PARP12: variants seen among roughly 807,000 people sequenced by gnomAD.
PARP12 encodes the protein poly(ADP-ribose) polymerase family member 12, also known as protein mono-ADP-ribosyltransferase PARP12.
Under a neutral mutation model 72.4 loss-of-function variants are expected in PARP12, and 59 were observed. That is an observed-to-expected ratio of 0.81 (90% CI 0.66 to 1.01). PARP12 has a LOEUF of 1.01. Among genes scored for constraint, PARP12 ranks in the 50% least tolerant of loss-of-function variants. The pLI, the probability that PARP12 is intolerant of heterozygous loss-of-function variation, is 0.00. For synonymous variants in PARP12, 403 were observed against 371.4 expected (o/e 1.09, Z -0.98); for missense variants, 851 against 914.0 (o/e 0.93, Z 0.89).
chr7:140,025,158 A>C, intron 11 of PARP12: 2 of 451,552 alleles, frequency 4.4e-6, no homozygotes, highest in Non-Finnish European at 8.2e-6. Flanking sequence ...ACGAAACCTA[A>C]AGGCCTGTGG....
chr7:140,029,182 A>C (rs1815846170), intron 8 of PARP12: 1 of 153,488 alleles, frequency 6.5e-6, no homozygotes, highest in Non-Finnish European at 1.4e-5. Context: ...ATTTGACTGA[A>C]GTTAGTAAGA....
At chr7:140,035,945 G>A (rs1585088747) in intron 7 of PARP12, among the ~76,000 whole-genome samples, 1 of 101,418 alleles carries the variant, frequency 9.9e-6, no homozygotes, top group Admixed American at 9.8e-5. Context: ...GGAGGAGGAG[G>A]AGGAGGACGA....
In PARP12 at chr7:140,034,331, G is replaced by C. The variant is rs766739805; in HGVS notation, c.1325C>G (p.Ala442Gly). ...GKHNYELDFK[A>G]FVQKNLVYGT... ...ATAGACCAGGTTTTTCTGAACGAAG[G>C]CTGAAAAAAAACATAACCAGTGAAA... Residue 442 changes from alanine to glycine, a missense_variant and splice_region_variant, in exon 8 of 12, where the codon GCC becomes GGC. Transcript: ENST00000263549. The C allele has an allele frequency of 4.4e-6, 7 of 1,606,940 alleles. No individual in the cohort carries two copies. In the African/African-American group the frequency reaches 5.4e-5, roughly 12 times the overall value.
rs761520985 is a variant in PARP12 at position 140,041,838 on chromosome 7, T to C, written c.988A>G (p.Ile330Val). Residue 330 changes from isoleucine to valine, a missense_variant and splice_region_variant, in exon 6 of 12, where the codon ATC becomes GTC. Physicochemically the swap from Ile to Val is conservative, Grantham distance 29 (BLOSUM62 3). This residue lies in a region of PARP12 where 492 missense variants were observed against 489.3 expected (regional missense o/e 1.01). Transcript: ENST00000263549. ...GTACTGGCTGACTCAGAGCACAGGA[T>C]CCTACAGAAGAAAAACAGCAGCAGA... ...EAYCNPKIER[I>V]LCSESASTFH... 1.2e-6 allele frequency: 2 copies of C among 1,610,242 alleles called. No individual in the cohort carries two copies. The highest frequency in any genetic ancestry group is 2.2e-5 in the East Asian group (1 of 44,804).
intron 1 of PARP12, among the ~76,000 whole-genome samples, chr7:140,059,777 C>T (rs557371593): frequency 6.6e-5 from 10 of 152,300 alleles, no homozygotes; most frequent in Admixed American, 2.0e-4. Context: ...GACTCTGATA[C>T]GGAGTGGAAA....
At chr7:140,052,924 G>A (rs2116642414) in intron 4 of PARP12, among the ~76,000 whole-genome samples, 1 of 152,254 alleles carries the variant, frequency 6.6e-6, no homozygotes, top group South Asian at 2.1e-4. Context: ...TCACTGATTA[G>A]AATGGCTAAA....
At chr7:140,046,835 ACACACAGAAGC>A in intron 5 of PARP12, 38 bp downstream of exon 5, 1 of 1,080,132 alleles carries the variant, frequency 9.3e-7, no homozygotes, top group Non-Finnish European at 1.3e-6. Flanking sequence ...TGTGTGTGTC[ACACACAGAAGC>A]CCAGGCACAA....
chr7:140,048,145 A>T (rs1816813353), intron 4 of PARP12, among the ~76,000 whole-genome samples: 1 of 152,148 alleles, frequency 6.6e-6, no homozygotes, highest in African/African-American at 2.4e-5. Context: ...AACTGAAGGC[A>T]GGTCAGCAGC....
At chr7:140,038,393 C>T (rs1387906148) in intron 6 of PARP12, 2 of 818,782 alleles carry the variant, frequency 2.4e-6, no homozygotes. Flanking sequence ...CTCGTAGCTT[C>T]AGCTGGAGTG....
chr7:140,034,121 C>T (rs993298529), intron 8 of PARP12, 114 bp downstream of exon 8: 15 of 1,427,740 alleles, frequency 1.1e-5, no homozygotes, highest in African/African-American at 7.2e-5. Flanking sequence ...GGGAGCACTT[C>T]GTTGTACAAG....
chr7:140,027,512 C>A (rs1033012397), intron 9 of PARP12, 106 bp from the exon 10 acceptor site: 2 of 1,407,288 alleles, frequency 1.4e-6, no homozygotes, highest in African/African-American at 1.4e-5. Context: ...AGCACAAAAG[C>A]CCAGAGAGCA....
Position 140,034,291 on chromosome 7 carries a change from C to T in PARP12, c.1365G>A (p.Lys455=). ...ACACGTATTTGGGTCTGCGGCAAAC[C>T]TTTTTAGTTGTGCCATAGACCAGGT... is the stretch of plus-strand genomic sequence containing the variant. The part of the protein sequence containing the change: ...QKNLVYGTTK[K]VCRRPKYVSP... Residue 455 remains lysine, a synonymous_variant, in exon 8 of 12, where the codon AAG becomes AAA. Transcript: ENST00000263549. 6.2e-7 allele frequency: 1 copy of T among 1,612,938 alleles called. No individual in the cohort carries two copies. Among genetic ancestry groups the T allele is most frequent in the Non-Finnish European group, 8.5e-7 (1 of 1,179,390 alleles).
At chr7:140,033,994 C>T (rs1816043567) in intron 8 of PARP12, 7 of 1,116,786 alleles carry the variant, frequency 6.3e-6, no homozygotes, top group Non-Finnish European at 7.7e-6. Context: ...CTGTCTTCTC[C>T]AGAGAATCAT....
At chr7:140,046,833 T>TGTGTGTGTGTGTCACA in intron 5 of PARP12, 51 bp downstream of exon 5, 2 of 1,188,024 alleles carry the variant, frequency 1.7e-6, no homozygotes, top group Non-Finnish European at 2.3e-6. Context: ...TGTGTGTGTG[T>TGTGTGTGTGTGTCACA]CACACACAGA....
At chr7:140,058,161 T>C (rs1346863656) in intron 1 of PARP12, 127 bp from the exon 2 acceptor site, 1 of 1,103,706 alleles carries the variant, frequency 9.1e-7, no homozygotes, top group East Asian at 2.5e-5. Context: ...AAGAGGTAAT[T>C]AAGTTAAAAA....
Position 140,046,917 on chromosome 7 carries a change from A to C in PARP12, c.953T>G (p.Ile318Ser). The change falls in exon 5 of 12, where the codon ATT becomes AGT. Residue 318 changes from isoleucine to serine, a missense_variant. Ile to Ser is a moderately radical substitution (Grantham distance 142). This residue lies in a region of PARP12 where 492 missense variants were observed against 489.3 expected (regional missense o/e 1.01). Coordinates refer to ENST00000263549, the MANE Select transcript of PARP12 (RefSeq NM_022750.4). The stretch of plus-strand genomic sequence containing the variant: ...TTTGGGATTGCAATATGCCTCTTCA[A>C]TAAGTTCCATGTTGTCCAAATCCTC... ...KWEDLDNMEL[I>S]EEAYCNPKIE... 3 of 1,614,076 alleles carry C rather than the reference A, an allele frequency of 1.9e-6. No individual in the cohort carries two copies. In the Middle Eastern group the frequency reaches 4.9e-4, roughly 266 times the overall value.
chr7:140,035,975 G>A (rs1250768272), intron 7 of PARP12, among the ~76,000 whole-genome samples: 94 of 56,586 alleles, frequency 1.7e-3, no homozygotes, highest in Middle Eastern at 8.5e-3. Flanking sequence ...GGAGGACGAG[G>A]AGGAGGAGGA....
chr7:140,041,744 G>A lies in PARP12; in HGVS notation c.1082C>T (p.Thr361Met), dbSNP rs368378215. 6.2e-7 allele frequency: 1 copy of A among 1,614,144 alleles called. No individual in the cohort carries two copies. The highest frequency in any genetic ancestry group is 2.2e-5 in the East Asian group (1 of 44,892). Reference protein sequence around the residue: ...YGATQARRLSTASSVTKPPHF... With the variant: ...YGATQARRLSMASSVTKPPHF... ...TGGAGGTTTGGTGACAGAGGAGGCC[G>A]TGGAGAGGCGGCGAGCCTGGGTAGC... Residue 361 changes from threonine to methionine, a missense_variant, in exon 6 of 12, where the codon ACG becomes ATG. Transcript: ENST00000263549.
At chr7:140,048,072 G>A (rs1252995616) in intron 4 of PARP12, among the ~76,000 whole-genome samples, 1 of 152,194 alleles carries the variant, frequency 6.6e-6, no homozygotes, top group Non-Finnish European at 1.5e-5. Context: ...GACGGGCAGA[G>A]ATCACAGCAA....
Sources: gnomAD v4.1 joint callset for allele counts (sites outside exome capture counted in the v4.1 genomes callset) on GRCh38, gnomAD v4.1.1 for gene constraint, gnomAD v4.1.1 regional missense constraint, MANE v1.5 for transcripts, NCBI Gene and HGNC (gene_info 2026-07-23, HGNC 2026-07-21) for gene names.